Variants in DMD observed in about 807,000 individuals in gnomAD.
The protein encoded by DMD is dystrophin.
A neutral mutation model predicts 330.1 loss-of-function variants in DMD; 63 were observed. The ratio of observed to expected loss-of-function variants is 0.19; its 90% CI spans 0.16 to 0.24. The LOEUF (loss-of-function observed/expected upper bound fraction) is 0.24. DMD is among the 10% of genes least tolerant of loss of function. The pLI is 1.00. For synonymous variants in DMD, 1,223 were observed against 959.8 expected (o/e 1.27, Z -5.07); for missense variants, 3,344 against 2,684.1 (o/e 1.25, Z -5.43).
intron 59 of DMD, among the ~76,000 whole-genome samples, chrX:31,460,199 C>T (rs1385966707): frequency 1.8e-5 from 2 of 111,643 alleles, no homozygotes; most frequent in Non-Finnish European, 3.8e-5. Flanking sequence ...CCTTCCTCAA[C>T]CACTTCAGCT....
chrX:32,764,179 A>G, intron 7 of DMD, among the ~76,000 whole-genome samples: 1 of 110,758 alleles, frequency 9.0e-6, no homozygotes, highest in Non-Finnish European at 1.9e-5. Flanking sequence ...CAATAGGCAT[A>G]CAATTGACAA....
intron 62 of DMD, among the ~76,000 whole-genome samples, chrX:31,264,598 C>A (rs201641922): frequency 8.9e-6 from 1 of 112,030 alleles, no homozygotes; most frequent in East Asian, 2.8e-4. Context: ...AGTATTTATA[C>A]GAAGATTTCC....
At chrX:32,248,606 A>C (rs926045666) in intron 43 of DMD, among the ~76,000 whole-genome samples, 9 of 110,077 alleles carry the variant, frequency 8.2e-5, no homozygotes, top group Non-Finnish European at 5.7e-5. Flanking sequence ...CAAAAAAAAA[A>C]ACAAAGAAAC....
intron 1 of DMD, among the ~76,000 whole-genome samples, chrX:33,283,375 C>T (rs192203296): frequency 0.018 from 1,968 of 110,602 alleles, 16 homozygotes; most frequent in Non-Finnish European, 0.028. Context: ...CCCGTCTCTA[C>T]TAAAAATACA....
chrX:32,412,385 G>C (rs2098146554), intron 29 of DMD: 1 of 162,943 alleles, frequency 6.1e-6, no homozygotes, highest in Non-Finnish European at 1.0e-5. Context: ...GTCAAAAACA[G>C]AATTTTAGAT....
At chrX:31,739,655 T>C (rs764347973) in intron 51 of DMD, among the ~76,000 whole-genome samples, 1 of 109,576 alleles carries the variant, frequency 9.1e-6, no homozygotes, top group African/African-American at 3.3e-5. Context: ...AAATACCTAA[T>C]GCATTGGGGG....
At chrX:32,463,132 C>A (rs989480443) in intron 25 of DMD, among the ~76,000 whole-genome samples, 6 of 111,402 alleles carry the variant, frequency 5.4e-5, no homozygotes, top group South Asian at 3.7e-4. Context: ...TATTATTATA[C>A]ATTTATGTTC....
In DMD at chrX:33,305,964, G is replaced by T. The variant is rs748536013; in HGVS notation, c.7+33295C>A. Among the ~76,000 whole-genome samples the T allele has an allele frequency of 9.5e-4, 106 of 111,969 alleles. 1 individual carries two copies. Among genetic ancestry groups the T allele is most frequent in the African/African-American group, 3.2e-3 (100 of 30,880 alleles). ...AAAATATAAAAGAGAATTTAGTGAG[G>T]AAAGGAGACAGAGAGTAGCTCCTTT... On this transcript the variant is annotated intron_variant, in intron 1 of 17. Coordinates refer to the DMD transcript ENST00000288447.
chrX:32,367,021 G>A (rs931826917), intron 34 of DMD, among the ~76,000 whole-genome samples: 9 of 111,837 alleles, frequency 8.0e-5, no homozygotes, highest in South Asian at 3.7e-4. Flanking sequence ...TTTATCAATC[G>A]TAAGTGTTGC....
At chrX:32,413,549 A>G (rs1347774126) in intron 29 of DMD, among the ~76,000 whole-genome samples, 1 of 109,366 alleles carries the variant, frequency 9.1e-6, no homozygotes, top group East Asian at 2.9e-4. Flanking sequence ...AATCATTACT[A>G]TATCTTACCT....
intron 64 of DMD, among the ~76,000 whole-genome samples, chrX:31,212,769 T>C (rs2404499): frequency 0.023 from 2,522 of 111,386 alleles, 71 homozygotes; most frequent in African/African-American, 0.078. Context: ...TGATTTCTCA[T>C]GGAGGTACAT....
At chrX:32,501,868 A>G in intron 18 of DMD, 26 bp from the exon 19 acceptor site, 1 of 1,075,088 alleles carries the variant, frequency 9.3e-7, no homozygotes, top group Non-Finnish European at 1.3e-6. Flanking sequence ...AAAGATGAGT[A>G]ATTCAATACA....
intron 59 of DMD, among the ~76,000 whole-genome samples, chrX:31,467,985 T>TC (rs2066982243): frequency 8.9e-6 from 1 of 112,077 alleles, no homozygotes; most frequent in Non-Finnish European, 1.9e-5. Context: ...GATGGTAGTT[T>TC]GTATTTCTGT....
chrX:32,520,615 C>T (rs1443140558), intron 17 of DMD, among the ~76,000 whole-genome samples: 1 of 111,518 alleles, frequency 9.0e-6, no homozygotes, highest in Admixed American at 9.5e-5. Flanking sequence ...TCAAGGGGTT[C>T]CCTGCATGAT....
chrX:32,918,848 T>C (rs774729761), intron 2 of DMD, among the ~76,000 whole-genome samples: 2 of 112,110 alleles, frequency 1.8e-5, no homozygotes, highest in Admixed American at 1.9e-4. Context: ...CCATGCAATA[T>C]GATACCTGCT....
At chrX:32,346,139 A>G in intron 38 of DMD, 59 bp from the exon 39 acceptor site, 1 of 1,123,122 alleles carries the variant, frequency 8.9e-7, no homozygotes, top group South Asian at 1.9e-5. Context: ...GTACATTGTT[A>G]ACAGAGATAA....
intron 2 of DMD, among the ~76,000 whole-genome samples, chrX:32,963,105 A>C (rs980322357): frequency 1.8e-5 from 2 of 111,772 alleles, no homozygotes; most frequent in Non-Finnish European, 3.8e-5. Flanking sequence ...TCACATACAT[A>C]CACACATATA....
intron 55 of DMD, among the ~76,000 whole-genome samples, chrX:31,542,068 T>C (rs2073860387): frequency 8.9e-6 from 1 of 112,004 alleles, no homozygotes; most frequent in Admixed American, 9.5e-5. Context: ...GACAACACTG[T>C]TCTGGACATT....
At chrX:31,222,009 G>A (rs939185558) in intron 64 of DMD, among the ~76,000 whole-genome samples, 2 of 110,771 alleles carry the variant, frequency 1.8e-5, no homozygotes, top group Non-Finnish European at 3.8e-5. Context: ...TGGCTAACAC[G>A]GTGAAACCCC....
Sources: gnomAD v4.1 joint callset for allele counts (sites outside exome capture counted in the v4.1 genomes callset) on GRCh38, gnomAD v4.1.1 for gene constraint, MANE v1.5 for transcripts, NCBI Gene and HGNC (gene_info 2026-07-23, HGNC 2026-07-21) for gene names.